The following TACR1 variants were observed in gnomAD, a reference collection of about 807,000 sequenced individuals.
TACR1 encodes tachykinin receptor 1, also known as substance-P receptor.
Under a neutral mutation model 35.8 loss-of-function variants are expected in TACR1, and 25 were observed. The ratio of observed to expected loss-of-function variants is 0.70; its 90% CI spans 0.51 to 0.98. The LOEUF (loss-of-function observed/expected upper bound fraction) is 0.98. Among genes scored for constraint, TACR1 ranks in the 50% least tolerant of loss-of-function variants. The pLI, the probability that TACR1 is intolerant of heterozygous loss-of-function variation, is 0.00. For missense variants in TACR1, 478 were observed against 522.9 expected, an observed-to-expected ratio of 0.91 and a Z score of 0.84; for synonymous variants, 195 against 206.7, an observed-to-expected ratio of 0.94 and a Z score of 0.48.
intron 1 of TACR1, among the ~76,000 whole-genome samples, chr2:75,139,964 C>T (rs1178164030): frequency 6.6e-6 from 1 of 152,092 alleles, no homozygotes; most frequent in African/African-American, 2.4e-5. Context: ...AGGTTGTTAA[C>T]GGAGAGAGGA....
intron 2 of TACR1, among the ~76,000 whole-genome samples, chr2:75,078,154 G>A (rs1230116928): frequency 2.0e-5 from 3 of 152,216 alleles, no homozygotes; most frequent in Admixed American, 6.5e-5. Flanking sequence ...GTGGCACAGA[G>A]CTTACCTGAA....
At chr2:75,115,906 C>CAAA (rs1158476632) in intron 2 of TACR1, among the ~76,000 whole-genome samples, 4,345 of 54,022 alleles carry the variant, frequency 0.08, 835 homozygotes, top group African/African-American at 0.18. Context: ...GACTCCGTCT[C>CAAA]AAAAAAAAAA....
chr2:75,095,110 T>C (rs1411679659), intron 2 of TACR1, among the ~76,000 whole-genome samples: 1 of 152,008 alleles, frequency 6.6e-6, no homozygotes, highest in Non-Finnish European at 1.5e-5. Flanking sequence ...GGTTCTTCCA[T>C]AGGGTCTGTT....
chr2:75,152,260 G>A (rs1469798927), intron 1 of TACR1, among the ~76,000 whole-genome samples: 1 of 152,140 alleles, frequency 6.6e-6, no homozygotes, highest in Non-Finnish European at 1.5e-5. Context: ...TGGTTTGGCT[G>A]TTTCCCTACC....
chr2:75,109,476 G>T (rs2103885745), intron 2 of TACR1, among the ~76,000 whole-genome samples: 1 of 152,310 alleles, frequency 6.6e-6, no homozygotes, highest in Non-Finnish European at 1.5e-5. Context: ...TGAACAAAAA[G>T]GGAAAATGGT....
At chr2:75,150,002 G>T (rs1214385989) in intron 1 of TACR1, among the ~76,000 whole-genome samples, 2 of 152,148 alleles carry the variant, frequency 1.3e-5, no homozygotes, top group Admixed American at 6.5e-5. Context: ...AGATAATCAT[G>T]AGTTTTTGTC....
At chr2:75,188,270 C>G (rs2193408) in intron 1 of TACR1, 3 of 152,170 alleles carry the variant, frequency 2.0e-5, no homozygotes, top group African/African-American at 7.2e-5. Flanking sequence ...AACACATATT[C>G]ACTATTCAAG....
At chr2:75,050,947 TA>T in intron 4 of TACR1, 1 of 404,808 alleles carries the variant, frequency 2.5e-6, no homozygotes, top group Non-Finnish European at 4.6e-6. Context: ...TTACATGCAT[TA>T]ACCACAGAAG....
intron 1 of TACR1, among the ~76,000 whole-genome samples, chr2:75,196,263 G>A (rs57815582): frequency 0.14 from 21,092 of 152,164 alleles, 1,859 homozygotes; most frequent in East Asian, 0.28. Flanking sequence ...ATTCTTGGGA[G>A]AGAATGGATG....
At chr2:75,160,731 G>C (rs369352350) in intron 1 of TACR1, among the ~76,000 whole-genome samples, 20 of 134,674 alleles carry the variant, frequency 1.5e-4, no homozygotes, top group South Asian at 1.2e-3. Flanking sequence ...TCCTGGACAG[G>C]AGAACTAACC....
intron 1 of TACR1, among the ~76,000 whole-genome samples, chr2:75,175,506 G>A (rs1004605176): frequency 6.6e-6 from 1 of 152,184 alleles, no homozygotes; most frequent in Non-Finnish European, 1.5e-5. Context: ...GACTCTAGGA[G>A]AATAACTTTG....
intron 2 of TACR1, among the ~76,000 whole-genome samples, chr2:75,110,256 A>G (rs1405671984): frequency 6.6e-6 from 1 of 152,064 alleles, no homozygotes; most frequent in Non-Finnish European, 1.5e-5. Flanking sequence ...TATTTTTCAT[A>G]TATTCATTTT....
intron 1 of TACR1, among the ~76,000 whole-genome samples, chr2:75,192,647 C>T (rs1675876730): frequency 6.6e-6 from 1 of 152,106 alleles, no homozygotes; most frequent in Non-Finnish European, 1.5e-5. Flanking sequence ...CAAAAGCCAC[C>T]AAGTGCAGGA....
chr2:75,069,314 GTATATC>G (rs147586409), intron 2 of TACR1, among the ~76,000 whole-genome samples: 36,864 of 150,664 alleles, frequency 0.24, 5,780 homozygotes, highest in African/African-American at 0.41. Flanking sequence ...ATATGTATAT[GTATATC>G]TATATCTATA....
intron 2 of TACR1, among the ~76,000 whole-genome samples, chr2:75,054,064 A>G (rs1017523958): frequency 5.9e-5 from 9 of 152,238 alleles, no homozygotes; most frequent in African/African-American, 1.7e-4. Flanking sequence ...TTGTATACCC[A>G]TAGCGATTTC....
chr2:75,177,388 A>T (rs1183763482), intron 1 of TACR1, among the ~76,000 whole-genome samples: 1 of 152,146 alleles, frequency 6.6e-6, no homozygotes, highest in Non-Finnish European at 1.5e-5. Flanking sequence ...CACTTCCAAT[A>T]TAGTTTTCTC....
intron 1 of TACR1, among the ~76,000 whole-genome samples, chr2:75,153,437 A>G (rs2103970072): frequency 6.6e-6 from 1 of 152,328 alleles, no homozygotes; most frequent in Admixed American, 6.5e-5. Context: ...TCACTTGCTG[A>G]GAATTATTGA....
At chr2:75,104,980 TTCC>T (rs1278041419) in intron 2 of TACR1, among the ~76,000 whole-genome samples, 1 of 151,970 alleles carries the variant, frequency 6.6e-6, no homozygotes, top group Admixed American at 6.6e-5. Flanking sequence ...CATACGGAAG[TTCC>T]TAAAAAAATT....
chr2:75,145,076 GA>G (rs1351294392), intron 1 of TACR1, among the ~76,000 whole-genome samples: 5 of 152,096 alleles, frequency 3.3e-5, no homozygotes, highest in African/African-American at 1.2e-4. Context: ...ATCCTTTCTA[GA>G]AAAAGCATTA....
Sources: gnomAD v4.1 joint callset for allele counts (sites outside exome capture counted in the v4.1 genomes callset) on GRCh38, gnomAD v4.1.1 for gene constraint, MANE v1.5 for transcripts, NCBI Gene and HGNC (gene_info 2026-07-23, HGNC 2026-07-21) for gene names.